IGSF10: variants seen among roughly 807,000 people sequenced by gnomAD.
The protein encoded by IGSF10 is immunoglobulin superfamily member 10.
IGSF10 carries 126 observed loss-of-function variants against 128.2 expected under a neutral mutation model. That is an observed-to-expected ratio of 0.98 (90% CI 0.85 to 1.14). IGSF10 has a LOEUF of 1.14. Ranked by LOEUF, IGSF10 falls within the 50% of genes most tolerant of loss-of-function variation. The pLI, the probability that IGSF10 is intolerant of heterozygous loss-of-function variation, is 0.00. For synonymous variants in IGSF10, 1,185 were observed against 1,146.2 expected (o/e 1.03, Z -0.68); for missense variants, 3,295 against 3,149.8 (o/e 1.05, Z -1.10).
chr3:151,506,562 T>C, the IGSF10 span, among the ~76,000 whole-genome samples: 1 of 152,210 alleles, frequency 6.6e-6, no homozygotes, highest in African/African-American at 2.4e-5. Flanking sequence ...CATACTTTTG[T>C]TTAAGGTGCT....
chr3:151,478,461 G>C, the IGSF10 span, among the ~76,000 whole-genome samples: 745 of 152,238 alleles, frequency 4.9e-3, 4 homozygotes, highest in Non-Finnish European at 7.9e-3. Context: ...ACAGATCATA[G>C]CCATTGTGTA....
the IGSF10 span, chr3:151,499,834 C>A: frequency 6.6e-6 from 1 of 152,062 alleles, no homozygotes; most frequent in Non-Finnish European, 1.5e-5. Flanking sequence ...AAATGTACAT[C>A]TAAGGACTTG....
rs1005213229 is a variant in IGSF10 at position 151,460,260 on chromosome 3, C to T, written c.-2+1G>A. 7.5e-6 allele frequency: 7 copies of T among 936,432 alleles called. No individual in the cohort carries two copies. The highest frequency in any genetic ancestry group is 7.6e-6 in the Non-Finnish European group (6 of 785,352). 58.0% of individuals were successfully genotyped at this position (936,432 alleles called of 1,614,324 possible). Reference sequence around the variant, plus strand: ...CATAATGAAATAGGAATTGGCAATACCTGAGCTCTTCTTTCAGGTCCTGAG... The same window carrying T: ...CATAATGAAATAGGAATTGGCAATATCTGAGCTCTTCTTTCAGGTCCTGAG... On this transcript the variant is annotated splice_donor_variant, in intron 2 of 7. Coordinates refer to ENST00000282466, the MANE Select transcript of IGSF10 (RefSeq NM_178822.5). LOFTEE classifies it low-confidence loss of function (5UTR_SPLICE).
At chr3:151,550,260 A>G in the IGSF10 span, among the ~76,000 whole-genome samples, 1 of 152,300 alleles carries the variant, frequency 6.6e-6, no homozygotes, top group Middle Eastern at 3.4e-3. Flanking sequence ...CGGAGTAGTG[A>G]GTTTGACATT....
upstream of IGSF10, among the ~76,000 whole-genome samples, chr3:151,464,695 A>G (rs1173404847): frequency 6.6e-6 from 1 of 152,222 alleles, no homozygotes; most frequent in Admixed American, 6.5e-5. Context: ...TTTTCATATT[A>G]TTCAATTAAC....
At chr3:151,590,418 T>C in the IGSF10 span, among the ~76,000 whole-genome samples, 132 of 152,276 alleles carry the variant, frequency 8.7e-4, no homozygotes, top group African/African-American at 3.0e-3. Flanking sequence ...GCAGCTGGTG[T>C]TTTGATTACC....
At chr3:151,556,335 C>A in the IGSF10 span, among the ~76,000 whole-genome samples, 1 of 152,300 alleles carries the variant, frequency 6.6e-6, no homozygotes, top group African/African-American at 2.4e-5. Flanking sequence ...GGAATCATAA[C>A]TTTCTTTGTG....
the IGSF10 span, among the ~76,000 whole-genome samples, chr3:151,538,355 C>T: frequency 6.6e-6 from 1 of 152,060 alleles, no homozygotes; most frequent in South Asian, 2.1e-4. Context: ...CTTTTTATAA[C>T]GAGAAGGACC....
At chr3:151,491,881 A>AT in the IGSF10 span, among the ~76,000 whole-genome samples, 2 of 152,198 alleles carry the variant, frequency 1.3e-5, no homozygotes, top group East Asian at 3.8e-4. Context: ...AAAAATTGAT[A>AT]TAAAAACCTT....
the IGSF10 span, among the ~76,000 whole-genome samples, chr3:151,604,592 A>AACACAC: frequency 1.2e-3 from 177 of 144,652 alleles, no homozygotes; most frequent in African/African-American, 4.3e-3. Flanking sequence ...GTACCAATAT[A>AACACAC]ACACACACAC....
chr3:151,512,883 C>G, the IGSF10 span, among the ~76,000 whole-genome samples: 3 of 152,038 alleles, frequency 2.0e-5, no homozygotes, highest in Non-Finnish European at 2.9e-5. Context: ...ATAAATTCCT[C>G]GACACATACA....
intron 7 of IGSF10, among the ~76,000 whole-genome samples, chr3:151,440,100 G>A (rs1464100534): frequency 6.6e-6 from 1 of 152,018 alleles, no homozygotes; most frequent in Admixed American, 6.6e-5. Flanking sequence ...GTGAGATCAC[G>A]GCTCACTGCA....
the IGSF10 span, among the ~76,000 whole-genome samples, chr3:151,531,268 T>TAGAC: frequency 6.6e-6 from 1 of 150,994 alleles, no homozygotes; most frequent in Admixed American, 6.6e-5. Flanking sequence ...CTGTCAATAT[T>TAGAC]AGATCAATGA....
the IGSF10 span, among the ~76,000 whole-genome samples, chr3:151,488,525 A>C: frequency 3.3e-5 from 5 of 152,224 alleles, no homozygotes; most frequent in Non-Finnish European, 7.3e-5. Flanking sequence ...AGATAATCCT[A>C]AGCAAAAAGA....
At chr3:151,537,713 G>A in the IGSF10 span, among the ~76,000 whole-genome samples, 4 of 151,838 alleles carry the variant, frequency 2.6e-5, no homozygotes, top group Admixed American at 2.6e-4. Context: ...AAGTGTTCAT[G>A]GACTCTTAAA....
the IGSF10 span, among the ~76,000 whole-genome samples, chr3:151,510,816 T>C: frequency 3.9e-5 from 6 of 152,166 alleles, no homozygotes; most frequent in Non-Finnish European, 8.8e-5. Context: ...ACGTGATGAA[T>C]GCACAAGCCT....
chr3:151,602,483 G>T, the IGSF10 span, among the ~76,000 whole-genome samples: 3 of 152,288 alleles, frequency 2.0e-5, no homozygotes, highest in African/African-American at 7.2e-5. Context: ...TTAGACAATA[G>T]TGACATGGTA....
the IGSF10 span, among the ~76,000 whole-genome samples, chr3:151,521,862 C>A: frequency 6.6e-6 from 1 of 151,774 alleles, no homozygotes. Context: ...ATGATCAGAG[C>A]TGAACTGAAG....
chr3:151,596,971 C>A, the IGSF10 span, among the ~76,000 whole-genome samples: 1 of 151,832 alleles, frequency 6.6e-6, no homozygotes, highest in Non-Finnish European at 1.5e-5. Context: ...TCCTATGAGA[C>A]TCCAGGCAAG....
Sources: allele counts gnomAD v4.1 joint callset (sites outside exome capture counted in the v4.1 genomes callset), GRCh38; gene constraint gnomAD v4.1.1; transcripts MANE v1.5; gene names NCBI Gene and HGNC (gene_info 2026-07-23, HGNC 2026-07-21).